FOXJ3: variants seen among roughly 807,000 people sequenced by gnomAD.
FOXJ3 encodes forkhead box protein J3.
FOXJ3 carries 22 observed loss-of-function variants against 76.1 expected under a neutral mutation model. The observed-to-expected ratio is 0.29, with a 90% CI of 0.21 to 0.41. The LOEUF (loss-of-function observed/expected upper bound fraction) is 0.41, where lower values mean the gene tolerates loss of function less well. FOXJ3 is among the 10% of genes least tolerant of loss of function. The pLI is 1.00. For missense variants in FOXJ3, 613 were observed against 762.1 expected (o/e 0.80, Z 2.30); for synonymous variants, 269 against 261.2 (o/e 1.03, Z -0.29).
intron 12 of FOXJ3, among the ~76,000 whole-genome samples, chr1:42,181,430 A>G (rs1416834505): frequency 6.6e-6 from 1 of 152,230 alleles, no homozygotes; most frequent in African/African-American, 2.4e-5. Flanking sequence ...CTCCATAGGA[A>G]TGAATGAAGC....
chr1:42,334,590 C>T (rs997487127), intron 1 of FOXJ3, among the ~76,000 whole-genome samples: 1 of 152,234 alleles, frequency 6.6e-6, no homozygotes, highest in Non-Finnish European at 1.5e-5. Context: ...AGGGCCACTC[C>T]AAGGCGTGAG....
chr1:42,274,799 T>G (rs1341849164), intron 3 of FOXJ3, among the ~76,000 whole-genome samples: 1 of 150,852 alleles, frequency 6.6e-6, no homozygotes, highest in Non-Finnish European at 1.5e-5. Context: ...AAGCATATGG[T>G]AACACAAGAG....
rs530724904 is a variant in FOXJ3 at position 42,299,432 on chromosome 1, C to T, written c.44+11618G>A. On this transcript the variant is annotated intron_variant, in intron 2 of 12. Transcript: ENST00000361346. ...ATACGAGAATGGATACTACTGCTGG[C>T]ATTTGTTTTCCATTTGCATGATAAA... Among the ~76,000 whole-genome samples the T allele has an allele frequency of 5.5e-4, 83 of 150,624 alleles. 2 individuals carry two copies. In the South Asian group the frequency reaches 0.017, roughly 30 times the overall value.
intron 5 of FOXJ3, among the ~76,000 whole-genome samples, chr1:42,222,810 T>C (rs1040783227): frequency 6.6e-6 from 1 of 152,196 alleles, no homozygotes; most frequent in Non-Finnish European, 1.5e-5. Flanking sequence ...TTCATTGCTG[T>C]TTCCTCAGGA....
intron 9 of FOXJ3, 42 bp from the exon 10 acceptor site, chr1:42,189,446 G>T: frequency 7.1e-7 from 1 of 1,404,376 alleles, no homozygotes; most frequent in South Asian, 1.2e-5. Context: ...GATGGTGAAA[G>T]GGTGAAGTGT....
chr1:42,179,843 A>G lies in FOXJ3; in HGVS notation c.1754-18T>C, dbSNP rs988155977. 6.2e-5 allele frequency: 95 copies of G among 1,527,106 alleles called. No individual in the cohort carries two copies. Among genetic ancestry groups the G allele is most frequent in the Non-Finnish European group, 8.4e-5 (93 of 1,100,866 alleles). 94.6% of individuals were successfully genotyped at this position (1,527,106 alleles called of 1,614,324 possible). On this transcript the variant is annotated intron_variant, in intron 12 of 12. Coordinates refer to ENST00000361346, the MANE Select transcript of FOXJ3 (RefSeq NM_014947.5). ...GTGATGGCCTGGAAGGAAAGAGGCA[A>G]TAATAGCAGCGACTTGGGTAGAGAA...
intron 5 of FOXJ3, among the ~76,000 whole-genome samples, chr1:42,210,281 T>G (rs1646941503): frequency 6.6e-6 from 1 of 152,150 alleles, no homozygotes; most frequent in African/African-American, 2.4e-5. Flanking sequence ...CAGACTTGCT[T>G]GACCCGGCCC....
chr1:42,223,502 T>C (rs1419451147), intron 5 of FOXJ3, among the ~76,000 whole-genome samples: 1 of 152,210 alleles, frequency 6.6e-6, no homozygotes, highest in African/African-American at 2.4e-5. Flanking sequence ...TCTTACCTAC[T>C]AGTCAATCAT....
intron 9 of FOXJ3, 71 bp from the exon 10 acceptor site, chr1:42,189,475 G>T: frequency 9.4e-7 from 1 of 1,066,608 alleles, no homozygotes; most frequent in Non-Finnish European, 1.4e-6. Flanking sequence ...AAAACGATGA[G>T]CTGCCCTTAT....
chr1:42,286,674 G>A (rs907574270), intron 2 of FOXJ3, among the ~76,000 whole-genome samples: 1 of 151,828 alleles, frequency 6.6e-6, no homozygotes, highest in Non-Finnish European at 1.5e-5. Flanking sequence ...CACTCCTGTC[G>A]CCCAGGCTGG....
intron 5 of FOXJ3, among the ~76,000 whole-genome samples, chr1:42,216,796 C>T (rs982444848): frequency 1.3e-5 from 2 of 151,772 alleles, no homozygotes; most frequent in Admixed American, 6.6e-5. Context: ...GCTAAAAAGC[C>T]AACAGATAAA....
chr1:42,280,361 A>C, intron 2 of FOXJ3: 2 of 935,194 alleles, frequency 2.1e-6, no homozygotes, highest in Non-Finnish European at 2.5e-6. Flanking sequence ...CATTTTCTCA[A>C]ATTCCCTCCA....
At chr1:42,266,340 G>C (rs746187884) in intron 3 of FOXJ3, among the ~76,000 whole-genome samples, 7 of 151,916 alleles carry the variant, frequency 4.6e-5, no homozygotes, top group Admixed American at 3.3e-4. Flanking sequence ...CTCCCAAAGA[G>C]AAAACCCTAG....
At chr1:42,311,648 A>AGT (rs1654815432) in intron 1 of FOXJ3, among the ~76,000 whole-genome samples, 2 of 143,258 alleles carry the variant, frequency 1.4e-5, no homozygotes, top group African/African-American at 2.5e-5. Flanking sequence ...GCTTTAAAAA[A>AGT]AAAGTAGTAG....
chr1:42,335,122 C>T lies in FOXJ3; in HGVS notation c.-81G>A, dbSNP rs1044569953. The T allele has an allele frequency of 6.6e-6, 1 of 152,308 alleles. No individual in the cohort carries two copies. The highest frequency in any genetic ancestry group is 1.5e-5 in the Non-Finnish European group (1 of 68,182). The allele number at this position is 152,308 out of a possible 1,614,324, so 9.4% of individuals were successfully genotyped here. On this transcript the variant is annotated 5_prime_UTR_variant, in exon 1 of 13. Coordinates refer to ENST00000361346, the MANE Select transcript of FOXJ3 (RefSeq NM_014947.5). ...CGGCCGCTCCGTGCGTCTCCGCCCC[C>T]CCGGGAAAGGTCCCAACGGTGCCTA... is the stretch of plus-strand genomic sequence containing the variant.
At chr1:42,274,345 G>A (rs1652095145) in intron 3 of FOXJ3, among the ~76,000 whole-genome samples, 1 of 152,162 alleles carries the variant, frequency 6.6e-6, no homozygotes, top group African/African-American at 2.4e-5. Context: ...AAAATATACT[G>A]TTAACAATCA....
At chr1:42,310,413 GGAT>G (rs1189352896) in intron 2 of FOXJ3, among the ~76,000 whole-genome samples, 1 of 151,308 alleles carries the variant, frequency 6.6e-6, no homozygotes, top group Non-Finnish European at 1.5e-5. Flanking sequence ...CAAAGTGCTA[GGAT>G]TACAGGCATG....
chr1:42,284,062 G>A (rs1397216802), intron 2 of FOXJ3, among the ~76,000 whole-genome samples: 1 of 152,124 alleles, frequency 6.6e-6, no homozygotes, highest in Non-Finnish European at 1.5e-5. Context: ...AGTAGATTGT[G>A]AAGCTGCCAT....
intron 2 of FOXJ3, among the ~76,000 whole-genome samples, chr1:42,284,991 TGTTTA>T (rs1652958578): frequency 6.6e-6 from 1 of 152,232 alleles, no homozygotes; most frequent in Non-Finnish European, 1.5e-5. Context: ...CTAGATCTTT[TGTTTA>T]ATGTGTTATT....
Sources: allele counts gnomAD v4.1 joint callset (sites outside exome capture counted in the v4.1 genomes callset), GRCh38; gene constraint gnomAD v4.1.1; transcripts MANE v1.5; gene names NCBI Gene and HGNC (gene_info 2026-07-23, HGNC 2026-07-21).